SEMA3D: variants seen among roughly 807,000 people sequenced by gnomAD.
SEMA3D encodes semaphorin-3D.
In SEMA3D, 84 loss-of-function variants were observed where a neutral mutation model predicts 100.1. The ratio of observed to expected loss-of-function variants is 0.84; its 90% CI spans 0.70 to 1.01. The LOEUF (loss-of-function observed/expected upper bound fraction) is 1.01. SEMA3D is among the 50% of genes least tolerant of loss of function. The pLI, the probability that SEMA3D is intolerant of heterozygous loss-of-function variation, is 0.00. For missense variants in SEMA3D, 875 were observed against 934.1 expected, an observed-to-expected ratio of 0.94 and a Z score of 0.82; for synonymous variants, 312 against 320.7, an observed-to-expected ratio of 0.97 and a Z score of 0.29.
At position 85,068,267 on chromosome 7, in the gene SEMA3D, T is replaced by C; in HGVS notation, c.513A>G (p.Leu171=). Residue 171 remains leucine, a synonymous_variant, in exon 7 of 19, where the codon CTA becomes CTG. Coordinates refer to ENST00000284136, the MANE Select transcript of SEMA3D (RefSeq NM_001384900.1). ...GVYKEDIIFK[L]DTHNLESGRL... ...TGCCAGACTCCAAATTATGTGTGTCTAGTTTGAATATAATATCCTGTTATG... is the reference window on the plus strand; with the variant it reads ...TGCCAGACTCCAAATTATGTGTGTCCAGTTTGAATATAATATCCTGTTATG... 2 of 1,583,360 alleles carry C rather than the reference T, an allele frequency of 1.3e-6. No homozygotes were observed. Among genetic ancestry groups the C allele is most frequent in the Non-Finnish European group, 1.7e-6 (2 of 1,152,196 alleles).
rs893376642 is a variant in SEMA3D at position 85,084,570 on chromosome 7, G to GT, written c.313-2992dup. Among the ~76,000 whole-genome samples, 861 of 145,892 alleles carry GT rather than the reference G, an allele frequency of 5.9e-3. 9 individuals are homozygous for GT. The highest frequency in any genetic ancestry group is 0.02 in the African/African-American group (812 of 39,710). On this transcript the variant is annotated intron_variant, in intron 4 of 18. Transcript: ENST00000284136. ...GATGCAGACCTTGTGCCTAGGAAAG[G>GT]TTTTTTTTTTCAATAATATTTTCTT...
the SEMA3D span, among the ~76,000 whole-genome samples, chr7:85,221,762 G>A: frequency 6.6e-6 from 1 of 152,044 alleles, no homozygotes; most frequent in South Asian, 2.1e-4. Context: ...AACAATCAAT[G>A]CTATGAATAG....
intron 2 of SEMA3D, among the ~76,000 whole-genome samples, chr7:85,129,145 C>T (rs1038009699): frequency 6.6e-6 from 1 of 151,890 alleles, no homozygotes; most frequent in Non-Finnish European, 1.5e-5. Context: ...CCTGCTTCAA[C>T]CTCCCAAAGT....
At chr7:85,050,604 C>A in intron 9 of SEMA3D, 1 of 398,108 alleles carries the variant, frequency 2.5e-6, no homozygotes, top group East Asian at 3.6e-5. Context: ...TCTTTTAAGT[C>A]AGTTTATTTA....
chr7:85,246,176 C>G, the SEMA3D span, among the ~76,000 whole-genome samples: 5 of 152,020 alleles, frequency 3.3e-5, no homozygotes, highest in East Asian at 1.9e-4. Context: ...TATGTAAGAG[C>G]CTTCTTTATG....
intron 2 of SEMA3D, among the ~76,000 whole-genome samples, chr7:85,136,112 G>C (rs956976920): frequency 1.2e-4 from 18 of 152,120 alleles, no homozygotes; most frequent in African/African-American, 4.3e-4. Flanking sequence ...AGAGATTATT[G>C]CTATCTTGGG....
intron 2 of SEMA3D, among the ~76,000 whole-genome samples, chr7:85,136,331 G>A (rs1253682455): frequency 1.3e-5 from 2 of 152,038 alleles, no homozygotes; most frequent in African/African-American, 4.8e-5. Flanking sequence ...CCTTTAAAAA[G>A]TTGACTTCTG....
intron 18 of SEMA3D, among the ~76,000 whole-genome samples, chr7:85,003,408 A>G (rs1436607679): frequency 6.6e-6 from 1 of 152,074 alleles, no homozygotes; most frequent in Non-Finnish European, 1.5e-5. Context: ...GGGTACATGT[A>G]AATACAATAT....
In SEMA3D at chr7:85,015,089, G is replaced by A. The variant is rs1038960034; in HGVS notation, c.1673C>T (p.Ala558Val). Reference sequence around the variant, plus strand: ...AGAAGTAGGAGCATATCGAGAGCATGCATTTCCATCCCAGGCACAGTAGGG... The same window carrying A: ...AGAAGTAGGAGCATATCGAGAGCATACATTTCCATCCCAGGCACAGTAGGG... The part of the protein sequence containing the change: ...RDPYCAWDGN[A>V]CSRYAPTSKR... Residue 558 changes from alanine (A) to valine (V), a missense_variant, in exon 16 of 19, where the codon GCA becomes GTA. Transcript: ENST00000284136. 1 of 1,611,582 alleles carries A rather than the reference G, an allele frequency of 6.2e-7. No homozygotes were observed. Among genetic ancestry groups the A allele is most frequent in the Non-Finnish European group, 8.5e-7 (1 of 1,178,408 alleles).
chr7:85,227,561 GT>G, the SEMA3D span, among the ~76,000 whole-genome samples: 12 of 152,162 alleles, frequency 7.9e-5, no homozygotes, highest in South Asian at 2.5e-3. Context: ...AATTTCAGTT[GT>G]TTATAAGCTA....
At chr7:85,066,218 AAAAG>A (rs1791615189) in intron 7 of SEMA3D, among the ~76,000 whole-genome samples, 1 of 152,114 alleles carries the variant, frequency 6.6e-6, no homozygotes, top group African/African-American at 2.4e-5. Context: ...AGAAAGGAGC[AAAAG>A]AGAGAAGGGG....
At chr7:85,182,266 G>A (rs980954491) in intron 1 of SEMA3D, among the ~76,000 whole-genome samples, 1 of 151,932 alleles carries the variant, frequency 6.6e-6, no homozygotes, top group Non-Finnish European at 1.5e-5. Flanking sequence ...ATTCCTGTAT[G>A]TTATGCATTA....
intron 4 of SEMA3D, among the ~76,000 whole-genome samples, chr7:85,090,287 T>C (rs910411388): frequency 1.3e-5 from 2 of 152,160 alleles, no homozygotes; most frequent in African/African-American, 4.8e-5. Flanking sequence ...CTGAGCAGTC[T>C]GACAACATCC....
intron 3 of SEMA3D, among the ~76,000 whole-genome samples, chr7:85,111,834 A>G (rs1022072782): frequency 2.0e-5 from 3 of 152,160 alleles, no homozygotes; most frequent in Admixed American, 1.3e-4. Flanking sequence ...TTGTTTAGCC[A>G]TACCATCTTC....
At chr7:85,227,378 C>T in the SEMA3D span, among the ~76,000 whole-genome samples, 1 of 152,078 alleles carries the variant, frequency 6.6e-6, no homozygotes, top group African/African-American at 2.4e-5. Context: ...TTGCTCATGA[C>T]TGGGATTAGT....
At chr7:85,234,106 G>A in the SEMA3D span, among the ~76,000 whole-genome samples, 6 of 152,152 alleles carry the variant, frequency 3.9e-5, no homozygotes, top group African/African-American at 1.4e-4. Context: ...AGTCTACAAT[G>A]TTTCTCTTTA....
intron 1 of SEMA3D, chr7:85,159,848 G>A (rs1375818724): frequency 6.1e-6 from 6 of 984,872 alleles, no homozygotes; most frequent in African/African-American, 3.5e-5. Flanking sequence ...GCAGATAGTA[G>A]GATTTCAGTA....
chr7:85,129,210 A>G (rs1445526132), intron 2 of SEMA3D, among the ~76,000 whole-genome samples: 2 of 152,036 alleles, frequency 1.3e-5, no homozygotes, highest in African/African-American at 4.8e-5. Flanking sequence ...ATATTTTAAA[A>G]TATTATCATG....
chr7:85,216,577 C>A, the SEMA3D span, among the ~76,000 whole-genome samples: 1 of 151,768 alleles, frequency 6.6e-6, no homozygotes, highest in Non-Finnish European at 1.5e-5. Flanking sequence ...GCAAAGAACA[C>A]AATGATTGCT....
Sources: gnomAD v4.1 joint callset for allele counts (sites outside exome capture counted in the v4.1 genomes callset) on GRCh38, gnomAD v4.1.1 for gene constraint, MANE v1.5 for transcripts, NCBI Gene and HGNC (gene_info 2026-07-23, HGNC 2026-07-21) for gene names.